CPA5: variants seen among roughly 807,000 people sequenced by gnomAD.
CPA5 encodes the protein testicular tissue protein Li 32.
Under a neutral mutation model 52.2 loss-of-function variants are expected in CPA5, and 38 were observed. The ratio of observed to expected loss-of-function variants is 0.73; its 90% CI spans 0.56 to 0.95. The LOEUF is 0.95. Among genes scored for constraint, CPA5 ranks in the 40% least tolerant of loss-of-function variants. The probability of loss-of-function intolerance (pLI) is 0.00; values close to 1 mark genes in which losing one functional copy is unlikely to be tolerated. For missense variants in CPA5, 519 were observed against 566.7 expected, an observed-to-expected ratio of 0.92 and a Z score of 0.86; for synonymous variants, 198 against 213.7, an observed-to-expected ratio of 0.93 and a Z score of 0.64.
chr7:130,370,974 G>A (rs1175082539), downstream of CPA5, among the ~76,000 whole-genome samples: 1 of 152,238 alleles, frequency 6.6e-6, no homozygotes, highest in Non-Finnish European at 1.5e-5. Flanking sequence ...GGAGGTGGCT[G>A]CCACAGAGGG....
intron 5 of CPA5, among the ~76,000 whole-genome samples, chr7:130,357,966 G>GTGTGTT (rs1163998508): frequency 7.0e-6 from 1 of 143,024 alleles, no homozygotes; most frequent in Non-Finnish European, 1.6e-5. Context: ...GTGTGTGTGT[G>GTGTGTT]TGTGTGTGTG....
At chr7:130,374,375 T>C in the CPA5 span, among the ~76,000 whole-genome samples, 1 of 152,184 alleles carries the variant, frequency 6.6e-6, no homozygotes, top group Non-Finnish European at 1.5e-5. Flanking sequence ...CCATTCCCTC[T>C]GGTCGTCCCT....
Position 130,363,439 on chromosome 7 carries a change from C to T in CPA5, c.768C>T (p.Asn256=), listed in dbSNP as rs781800922. The T allele has an allele frequency of 5.1e-6, 8 of 1,575,304 alleles. No individual in the cohort carries two copies. Among genetic ancestry groups the T allele is most frequent in the Non-Finnish European group, 6.9e-6 (8 of 1,159,672 alleles). Reference sequence around the variant, plus strand: ...CCCAGAACCGCTTATGGCGGAAGAACAAGTCCATCAGACCTGGAATCTTCT... The same window carrying T: ...CCCAGAACCGCTTATGGCGGAAGAATAAGTCCATCAGACCTGGAATCTTCT... ...THSMNRLWRK[N]KSIRPGIFCI... is the part of the protein sequence containing the mutation. The change falls in exon 10 of 13, where the codon AAC becomes AAT. Residue 256 remains asparagine, a synonymous_variant. Transcript: ENST00000474905.
chr7:130,358,877 G>A (rs1795637721), intron 5 of CPA5, among the ~76,000 whole-genome samples: 1 of 152,228 alleles, frequency 6.6e-6, no homozygotes, highest in Non-Finnish European at 1.5e-5. Context: ...GAAGTACCAT[G>A]TAAGGCTTGA....
In CPA5 at chr7:130,368,629, T is replaced by C. The variant is rs782618034; in HGVS notation, c.*32T>C. The C allele has an allele frequency of 1.2e-5, 20 of 1,611,296 alleles. 1 individual carries two copies. In the East Asian group the frequency reaches 4.5e-4, roughly 36 times the overall value. On this transcript the variant is annotated 3_prime_UTR_variant, in exon 13 of 13. Coordinates refer to ENST00000474905, the MANE Select transcript of CPA5 (RefSeq NM_080385.5). ...GACTGAGGGCAGGAGGCTCCATCCT[T>C]CTCCCCAAGGTCTGTGGCTCCTCCC...
intron 5 of CPA5, among the ~76,000 whole-genome samples, chr7:130,359,073 T>C (rs557878155): frequency 6.6e-6 from 1 of 152,310 alleles, no homozygotes; most frequent in East Asian, 1.9e-4. Flanking sequence ...GGAGTTAATG[T>C]TGGGGGTCAG....
At chr7:130,371,919 C>T (rs1796298523), downstream of CPA5, among the ~76,000 whole-genome samples, 1 of 152,190 alleles carries the variant, frequency 6.6e-6, no homozygotes, top group Admixed American at 6.5e-5. Flanking sequence ...ACCTCTCCTG[C>T]CTTGTGCCAG....
chr7:130,366,011 C>T (rs578180839), intron 10 of CPA5, among the ~76,000 whole-genome samples: 2 of 152,334 alleles, frequency 1.3e-5, no homozygotes, highest in East Asian at 3.9e-4. Flanking sequence ...CGAGAAGGGG[C>T]GCGCTCCCTG....
At chr7:130,349,825 G>A in intron 4 of CPA5, 150 bp from the exon 5 acceptor site, 1 of 819,478 alleles carries the variant, frequency 1.2e-6, no homozygotes, top group Non-Finnish European at 1.9e-6. Context: ...CCGCTGAGGG[G>A]CTTTGGGACA....
chr7:130,371,596 G>A (rs1796295147), downstream of CPA5, among the ~76,000 whole-genome samples: 1 of 151,286 alleles, frequency 6.6e-6, no homozygotes, highest in Non-Finnish European at 1.5e-5. Context: ...TTGAGACGGA[G>A]TTTTGTTCTT....
chr7:130,370,161 C>T (rs1248613299), downstream of CPA5, among the ~76,000 whole-genome samples: 1 of 152,194 alleles, frequency 6.6e-6, no homozygotes, highest in Non-Finnish European at 1.5e-5. Context: ...GCACAGCAGG[C>T]ACTGGCTGGG....
intron 12 of CPA5, 133 bp downstream of exon 12, chr7:130,368,123 C>T: frequency 1.2e-6 from 1 of 861,410 alleles, no homozygotes; most frequent in Admixed American, 2.2e-5. Context: ...ACAGTGGTAC[C>T]CAGGGAGCTG....
At chr7:130,351,956 C>T (rs1211653987) in intron 5 of CPA5, among the ~76,000 whole-genome samples, 1 of 152,102 alleles carries the variant, frequency 6.6e-6, no homozygotes, top group Non-Finnish European at 1.5e-5. Context: ...TGGCCCCCTC[C>T]CCTCAGCCAA....
chr7:130,345,589 A>G (rs1161406019), intron 1 of CPA5: 1 of 152,172 alleles, frequency 6.6e-6, no homozygotes, highest in Non-Finnish European at 1.5e-5. Context: ...GAACTCTAAT[A>G]ATGACTGCGG....
In CPA5 at chr7:130,367,609, G is replaced by A. The variant is rs781948048; in HGVS notation, c.1038+38G>A. The A allele has an allele frequency of 4.5e-6, 7 of 1,559,274 alleles. No individual in the cohort carries two copies. In the Admixed American group the frequency reaches 5.0e-5, roughly 11 times the overall value. On this transcript the variant is annotated intron_variant, in intron 11 of 12. Coordinates refer to ENST00000474905, the MANE Select transcript of CPA5 (RefSeq NM_080385.5). Reference sequence around the variant, plus strand: ...GCTTAGGGCCTGGGGAGAAGAGACCGCTTCACAGGAAAATCCATATCTGTC... The same window carrying A: ...GCTTAGGGCCTGGGGAGAAGAGACCACTTCACAGGAAAATCCATATCTGTC...
intron 8 of CPA5, 66 bp from the exon 9 acceptor site, chr7:130,362,818 A>C (rs1554407144): frequency 9.9e-7 from 1 of 1,012,894 alleles, no homozygotes; most frequent in Admixed American, 1.8e-5. Flanking sequence ...TGGCTGTGAA[A>C]ATGTCCTGTG....
At chr7:130,368,852 T>TA (rs2117480241), downstream of CPA5, 1 of 486,000 alleles carries the variant, frequency 2.1e-6, no homozygotes, top group South Asian at 3.1e-5. Context: ...CTCTCCAGTC[T>TA]ACCTTCAGGA....
At chr7:130,362,810 G>A in intron 8 of CPA5, 74 bp from the exon 9 acceptor site, 1 of 904,234 alleles carries the variant, frequency 1.1e-6, no homozygotes, top group South Asian at 1.4e-5. Context: ...GCAGCCACTG[G>A]CTGTGAAAAT....
chr7:130,360,330 G>A (rs971275949), intron 6 of CPA5, among the ~76,000 whole-genome samples: 1 of 152,264 alleles, frequency 6.6e-6, no homozygotes, highest in African/African-American at 2.4e-5. Context: ...TGAGGGGCAG[G>A]AAGCCAGGCA....
Sources: gnomAD v4.1 joint callset for allele counts (sites outside exome capture counted in the v4.1 genomes callset) on GRCh38, gnomAD v4.1.1 for gene constraint, MANE v1.5 for transcripts, NCBI Gene and HGNC (gene_info 2026-07-23, HGNC 2026-07-21) for gene names.